The following CCDC15 variants were observed in gnomAD, a reference collection of about 807,000 sequenced individuals.
CCDC15 encodes the protein coiled-coil domain-containing protein 15.
In CCDC15, 105 loss-of-function variants were observed where a neutral mutation model predicts 114.5. That is an observed-to-expected ratio of 0.92 (90% CI 0.78 to 1.08). The LOEUF (loss-of-function observed/expected upper bound fraction) is 1.08. CCDC15 is among the 50% of genes least tolerant of loss of function. CCDC15 has a pLI of 0.00. For synonymous variants in CCDC15, 334 were observed against 377.8 expected (o/e 0.88, Z 1.34); for missense variants, 1,105 against 1,093.6 (o/e 1.01, Z -0.15).
chr11:125,003,515 A>G (rs1421693766), intron 11 of CCDC15, among the ~76,000 whole-genome samples: 1 of 152,014 alleles, frequency 6.6e-6, no homozygotes, highest in African/African-American at 2.4e-5. Context: ...GAATTGAAAT[A>G]TTAAGGAATC....
intron 13 of CCDC15, among the ~76,000 whole-genome samples, chr11:125,010,463 A>C (rs1188370063): frequency 6.6e-6 from 1 of 151,558 alleles, no homozygotes; most frequent in African/African-American, 2.4e-5. Context: ...CCCAGATTCA[A>C]GTGATTCTCG....
chr11:125,010,561 A>T (rs1288974407), intron 13 of CCDC15, among the ~76,000 whole-genome samples: 3 of 152,048 alleles, frequency 2.0e-5, no homozygotes, highest in Admixed American at 6.5e-5. Flanking sequence ...GGGTTTCACC[A>T]TGTGGGCCAG....
rs1948442471 is a variant in CCDC15 at position 124,999,808 on chromosome 11, C to G, written c.2215-4059C>G. Among the ~76,000 whole-genome samples, 3 of 143,966 alleles carry G rather than the reference C, an allele frequency of 2.1e-5. No individual in the cohort carries two copies. The South Asian group carries it at 6.6e-4, about 32-fold the overall frequency. 94.4% of individuals were successfully genotyped at this position (143,966 alleles called of 152,430 possible). On this transcript the variant is annotated intron_variant, in intron 11 of 15. Coordinates refer to ENST00000344762, the MANE Select transcript of CCDC15 (RefSeq NM_025004.3). Reference sequence around the variant, plus strand: ...CTTTACCCCTCAGAATTGGTCACATCTTCCTGCTTTCTTCTATGTCAACTA... The same window carrying G: ...CTTTACCCCTCAGAATTGGTCACATGTTCCTGCTTTCTTCTATGTCAACTA...
At chr11:125,020,609 A>T (rs1948654805) in intron 13 of CCDC15, among the ~76,000 whole-genome samples, 1 of 151,916 alleles carries the variant, frequency 6.6e-6, no homozygotes, top group African/African-American at 2.4e-5. Context: ...TGAAAGCCTG[A>T]TGCTAGTTTC....
chr11:124,989,283 T>G (rs957973430), intron 8 of CCDC15, among the ~76,000 whole-genome samples: 2 of 152,030 alleles, frequency 1.3e-5, no homozygotes, highest in South Asian at 4.2e-4. Context: ...GGCATCTTTA[T>G]TTTTTTTGGA....
At chr11:125,018,619 C>T (rs1591610404) in intron 13 of CCDC15, among the ~76,000 whole-genome samples, 1 of 152,100 alleles carries the variant, frequency 6.6e-6, no homozygotes, top group East Asian at 1.9e-4. Context: ...TCCTCAGTTT[C>T]CTCTATATAC....
chr11:125,000,948 A>G (rs1948470255), intron 11 of CCDC15, among the ~76,000 whole-genome samples: 1 of 152,122 alleles, frequency 6.6e-6, no homozygotes, highest in Admixed American at 6.5e-5. Flanking sequence ...TCTTTAAAAC[A>G]CCTTATTTAA....
In CCDC15 at chr11:124,958,132, T is replaced by C. The variant is rs77491347; in HGVS notation, c.178-983T>C. On this transcript the variant is annotated intron_variant, in intron 2 of 15. Coordinates refer to ENST00000344762, the MANE Select transcript of CCDC15 (RefSeq NM_025004.3). ...CAAAGTAGTTAAAATACTTGTCACC[T>C]GATAGATCCATAATAATGATAAGTG... is the stretch of plus-strand genomic sequence containing the variant. Among the ~76,000 whole-genome samples the C allele has an allele frequency of 3.4e-3, 525 of 152,332 alleles. 2 individuals carry two copies. Among genetic ancestry groups the C allele is most frequent in the African/African-American group, 0.012 (499 of 41,590 alleles).
chr11:125,009,782 G>T (rs756831261), intron 13 of CCDC15, among the ~76,000 whole-genome samples: 1 of 152,034 alleles, frequency 6.6e-6, no homozygotes, highest in Admixed American at 6.5e-5. Flanking sequence ...GTGTTAATTC[G>T]CTTAGGATAA....
intron 4 of CCDC15, among the ~76,000 whole-genome samples, chr11:124,974,451 T>C (rs1385018208): frequency 6.6e-6 from 1 of 152,226 alleles, no homozygotes; most frequent in Non-Finnish European, 1.5e-5. Flanking sequence ...ACATTTAATA[T>C]TAGTAGTCAT....
intron 13 of CCDC15, among the ~76,000 whole-genome samples, chr11:125,009,215 G>A (rs1948572902): frequency 1.1e-5 from 1 of 94,900 alleles, no homozygotes; most frequent in Admixed American, 1.3e-4. Context: ...CAATAAGAGC[G>A]AAACTCCGTC....
chr11:125,029,983 T>G (rs1175189275), intron 13 of CCDC15, among the ~76,000 whole-genome samples: 2 of 152,168 alleles, frequency 1.3e-5, no homozygotes, highest in African/African-American at 2.4e-5. Context: ...GCCTATTGAC[T>G]TAAAGGTAGG....
At chr11:125,023,991 G>A (rs1048335043) in intron 13 of CCDC15, among the ~76,000 whole-genome samples, 1 of 151,896 alleles carries the variant, frequency 6.6e-6, no homozygotes, top group Non-Finnish European at 1.5e-5. Flanking sequence ...CTGCTAATAA[G>A]TATAAGGTTT....
Position 124,988,069 on chromosome 11 carries a change from G to A in CCDC15, c.1843G>A (p.Val615Ile). ...DRDFLPRDLH[V>I]LSNDQNILPK... ...GGATTTTCTACCCAGAGACCTGCAT[G>A]TTCTCTCCAACGACCAGAATATTCT... The change falls in exon 8 of 16, where the codon GTT becomes ATT. Residue 615 changes from valine (V) to isoleucine (I), a missense_variant. Coordinates refer to ENST00000344762, the MANE Select transcript of CCDC15 (RefSeq NM_025004.3). 1 of 1,613,942 alleles carries A rather than the reference G, an allele frequency of 6.2e-7. No homozygotes were observed. Among genetic ancestry groups the A allele is most frequent in the Non-Finnish European group, 8.5e-7 (1 of 1,179,876 alleles).
At chr11:125,024,665 C>A (rs980868637) in intron 13 of CCDC15, among the ~76,000 whole-genome samples, 1 of 152,002 alleles carries the variant, frequency 6.6e-6, no homozygotes, top group Non-Finnish European at 1.5e-5. Flanking sequence ...TTCCCTGCAA[C>A]CTTGCTACGG....
intron 15 of CCDC15, among the ~76,000 whole-genome samples, chr11:125,039,939 T>A (rs1019928648): frequency 7.9e-5 from 12 of 152,238 alleles, no homozygotes; most frequent in African/African-American, 2.9e-4. Context: ...TAACTCGTCT[T>A]AAGTGTTAAC....
chr11:125,039,956 T>C (rs765491166), intron 15 of CCDC15, among the ~76,000 whole-genome samples: 6 of 152,268 alleles, frequency 3.9e-5, no homozygotes, highest in Non-Finnish European at 7.3e-5. Flanking sequence ...TAACCACTTC[T>C]GGGAATCTTT....
chr11:125,005,268 A>G, intron 13 of CCDC15, 56 bp downstream of exon 13: 6 of 760,434 alleles, frequency 7.9e-6, no homozygotes, highest in Non-Finnish European at 1.3e-5. Context: ...ATGTTTTTGG[A>G]AGATGAACTT....
chr11:124,978,096 A>G (rs1302287086), intron 6 of CCDC15, among the ~76,000 whole-genome samples: 1 of 152,096 alleles, frequency 6.6e-6, no homozygotes, highest in Non-Finnish European at 1.5e-5. Context: ...GTAAGTTAGA[A>G]CATGTGGTAT....
Sources: gnomAD v4.1 joint callset for allele counts (sites outside exome capture counted in the v4.1 genomes callset) on GRCh38, gnomAD v4.1.1 for gene constraint, MANE v1.5 for transcripts, NCBI Gene and HGNC (gene_info 2026-07-23, HGNC 2026-07-21) for gene names.